The following SOX5 variants were observed in gnomAD, a reference collection of about 807,000 sequenced individuals.
SOX5 encodes transcription factor SOX-5.
A neutral mutation model predicts 92.0 loss-of-function variants in SOX5; 9 were observed. The ratio of observed to expected loss-of-function variants is 0.10; its 90% confidence interval spans 0.06 to 0.17. The LOEUF (loss-of-function observed/expected upper bound fraction) is 0.17, where lower values mean the gene tolerates loss of function less well. SOX5 is among the 10% of genes least tolerant of loss of function. The pLI is 1.00. For synonymous variants in SOX5, 344 were observed against 336.3 expected, an observed-to-expected ratio of 1.02 and a Z score of -0.25; for missense variants, 642 against 944.5, an observed-to-expected ratio of 0.68 and a Z score of 4.20.
chr12:24,170,017 G>T (rs1404887356), intron 4 of SOX5, among the ~76,000 whole-genome samples: 1 of 146,934 alleles, frequency 6.8e-6, no homozygotes, highest in Non-Finnish European at 1.5e-5. Context: ...TAAGTGTAAG[G>T]ATAATGAATT....
chr12:24,415,689 TA>T (rs1483785654), intron 1 of SOX5, among the ~76,000 whole-genome samples: 3 of 152,196 alleles, frequency 2.0e-5, no homozygotes, highest in Non-Finnish European at 4.4e-5. Flanking sequence ...CAGGTCCTAA[TA>T]TTACTGTCAT....
chr12:24,225,483 T>G (rs1446569506), intron 3 of SOX5, among the ~76,000 whole-genome samples: 1 of 140,006 alleles, frequency 7.1e-6, no homozygotes, highest in African/African-American at 2.5e-5. Context: ...TCAGAGGTTT[T>G]TTTTTTTTTT....
At chr12:24,338,906 A>G (rs1282369051) in intron 2 of SOX5, among the ~76,000 whole-genome samples, 1 of 152,098 alleles carries the variant, frequency 6.6e-6, no homozygotes, top group Non-Finnish European at 1.5e-5. Flanking sequence ...CTTTTTCTTT[A>G]TAAATTACCC....
chr12:23,538,805 T>C (rs932267476), intron 13 of SOX5, among the ~76,000 whole-genome samples: 3 of 147,792 alleles, frequency 2.0e-5, no homozygotes, highest in South Asian at 2.2e-4. Context: ...TTTTCTTTTT[T>C]TTTTTTTTTT....
intron 3 of SOX5, among the ~76,000 whole-genome samples, chr12:23,834,891 A>C (rs980618066): frequency 9.2e-5 from 14 of 151,942 alleles, no homozygotes; most frequent in Non-Finnish European, 1.8e-4. Context: ...GAGATGCTGA[A>C]GGTGACAAAG....
At chr12:23,688,627 A>G (rs2088111775) in intron 6 of SOX5, among the ~76,000 whole-genome samples, 1 of 152,106 alleles carries the variant, frequency 6.6e-6, no homozygotes, top group Non-Finnish European at 1.5e-5. Context: ...CCAATAGTTT[A>G]GCAAATTATC....
intron 6 of SOX5, among the ~76,000 whole-genome samples, chr12:23,731,823 G>A (rs536194097): frequency 2.0e-5 from 3 of 152,064 alleles, no homozygotes; most frequent in African/African-American, 4.8e-5. Flanking sequence ...ACTATAAAAC[G>A]CTACAGTCTA....
chr12:23,642,030 C>T (rs938382309), intron 7 of SOX5, among the ~76,000 whole-genome samples: 2 of 152,120 alleles, frequency 1.3e-5, no homozygotes, highest in Non-Finnish European at 2.9e-5. Flanking sequence ...GAAGCTTAAA[C>T]TTTGGGCTTT....
intron 1 of SOX5, among the ~76,000 whole-genome samples, chr12:24,377,190 T>G (rs1181371432): frequency 6.6e-6 from 1 of 152,142 alleles, no homozygotes; most frequent in Non-Finnish European, 1.5e-5. Flanking sequence ...GGCTCCACAA[T>G]CAAAAGTTTA....
chr12:24,351,289 A>G (rs926504246), intron 2 of SOX5, among the ~76,000 whole-genome samples: 3 of 152,148 alleles, frequency 2.0e-5, no homozygotes, highest in African/African-American at 4.8e-5. Flanking sequence ...TATCATCTGT[A>G]CCCCCATCTC....
chr12:24,171,299 C>G (rs12813781), intron 4 of SOX5, among the ~76,000 whole-genome samples: 1 of 142,366 alleles, frequency 7.0e-6, no homozygotes, highest in East Asian at 2.0e-4. Context: ...TCTTGGCTCA[C>G]TGCAACCTCC....
chr12:24,111,389 C>A (rs1650249854), intron 4 of SOX5, among the ~76,000 whole-genome samples: 1 of 152,154 alleles, frequency 6.6e-6, no homozygotes, highest in Non-Finnish European at 1.5e-5. Flanking sequence ...ACTGTCAGAT[C>A]TTGTGCTTAC....
chr12:24,262,201 C>A (rs1009320846), intron 3 of SOX5, among the ~76,000 whole-genome samples: 2 of 152,060 alleles, frequency 1.3e-5, no homozygotes, highest in African/African-American at 4.8e-5. Flanking sequence ...CTGCAACGAA[C>A]GAAATTCTCG....
chr12:23,806,054 T>C (rs1031861665), intron 3 of SOX5, among the ~76,000 whole-genome samples: 1 of 152,182 alleles, frequency 6.6e-6, no homozygotes, highest in Non-Finnish European at 1.5e-5. Flanking sequence ...TAACTACATT[T>C]TTTTCTGACA....
At chr12:24,290,399 T>C (rs972296860) in intron 2 of SOX5, among the ~76,000 whole-genome samples, 2 of 152,246 alleles carry the variant, frequency 1.3e-5, no homozygotes, top group Non-Finnish European at 2.9e-5. Flanking sequence ...GAGTGGTTTC[T>C]ACATGCCAGG....
chr12:24,091,814 T>C (rs1944690216), intron 4 of SOX5, among the ~76,000 whole-genome samples: 2 of 152,098 alleles, frequency 1.3e-5, no homozygotes, highest in African/African-American at 4.8e-5. Flanking sequence ...TAGCCATTTC[T>C]ATTTTCTAAC....
chr12:24,387,112 A>G (rs950515787), intron 1 of SOX5, among the ~76,000 whole-genome samples: 3 of 152,248 alleles, frequency 2.0e-5, no homozygotes, highest in East Asian at 3.8e-4. Context: ...AGAAGTACCA[A>G]TTTTAGAAAA....
chr12:23,804,617 C>T (rs906331043), intron 3 of SOX5, among the ~76,000 whole-genome samples: 1 of 151,886 alleles, frequency 6.6e-6, no homozygotes, highest in Non-Finnish European at 1.5e-5. Context: ...TGCCCTACAT[C>T]CTCAATAATT....
rs756744889 is a variant in SOX5, at chr12:24,333,230, A to G, written c.-174+35333T>C. On this transcript the variant is annotated intron_variant, in intron 2 of 4. Transcript: ENST00000446891. ...TAGTTTAATACTGATGCTAAACTGGACAAACTTACCAGCAAAAAAAGTATA... is the reference window on the plus strand; with the variant it reads ...TAGTTTAATACTGATGCTAAACTGGGCAAACTTACCAGCAAAAAAAGTATA... 1.4e-4 allele frequency among the ~76,000 whole-genome samples: 21 copies of G among 150,684 alleles called. 1 individual carries two copies. Among genetic ancestry groups the G allele is most frequent in the Non-Finnish European group, 2.8e-4 (19 of 67,922 alleles).
Sources: allele counts gnomAD v4.1 joint callset (sites outside exome capture counted in the v4.1 genomes callset), GRCh38; gene constraint gnomAD v4.1.1; transcripts MANE v1.5; gene names NCBI Gene and HGNC (gene_info 2026-07-23, HGNC 2026-07-21).